The following HECW1 variants were observed in gnomAD, a reference collection of about 807,000 sequenced individuals.
HECW1 encodes the protein E3 ubiquitin-protein ligase HECW1.
Under a neutral mutation model 182.3 loss-of-function variants are expected in HECW1, and 61 were observed. The ratio of observed to expected loss-of-function variants is 0.33; its 90% CI spans 0.27 to 0.41. The LOEUF is 0.41. HECW1 is among the 10% of genes least tolerant of loss of function. The probability of loss-of-function intolerance (pLI) is 1.00; values close to 1 mark genes in which losing one functional copy is unlikely to be tolerated. For missense variants in HECW1, 1,739 were observed against 2,108.9 expected (o/e 0.82, Z 3.44); for synonymous variants, 859 against 832.6 (o/e 1.03, Z -0.55).
chr7:43,465,590 A>T (rs2077737485), intron 14 of HECW1, among the ~76,000 whole-genome samples: 1 of 152,234 alleles, frequency 6.6e-6, no homozygotes, highest in East Asian at 1.9e-4. Flanking sequence ...GGTTGAAACA[A>T]GGCACAAGGC....
chr7:43,406,046 A>T (rs1325730393), intron 7 of HECW1, among the ~76,000 whole-genome samples: 1 of 152,220 alleles, frequency 6.6e-6, no homozygotes, highest in African/African-American at 2.4e-5. Flanking sequence ...GTGTAAGAAC[A>T]TGTCAACCTT....
At chr7:43,446,879 A>G (rs2077075082) in intron 11 of HECW1, among the ~76,000 whole-genome samples, 1 of 152,246 alleles carries the variant, frequency 6.6e-6, no homozygotes, top group African/African-American at 2.4e-5. Context: ...TTCTTTCACA[A>G]GGATGTTTCG....
chr7:43,169,725 G>C (rs1471430930), intron 2 of HECW1, among the ~76,000 whole-genome samples: 1 of 122,188 alleles, frequency 8.2e-6, no homozygotes, highest in Non-Finnish European at 1.6e-5. Context: ...GAGTCTCGCT[G>C]TCGCCCAGGC....
intron 2 of HECW1, among the ~76,000 whole-genome samples, chr7:43,176,367 A>G (rs1284842605): frequency 6.6e-6 from 1 of 152,212 alleles, no homozygotes; most frequent in Non-Finnish European, 1.5e-5. Flanking sequence ...GACCATTTTC[A>G]TTATGAATCT....
At chr7:43,279,219 C>T (rs1204016925) in intron 3 of HECW1, among the ~76,000 whole-genome samples, 1 of 152,132 alleles carries the variant, frequency 6.6e-6, no homozygotes, top group Non-Finnish European at 1.5e-5. Flanking sequence ...AATGAACTGA[C>T]TGAATAAGTT....
At chr7:43,398,469 A>G (rs2075302823) in intron 7 of HECW1, among the ~76,000 whole-genome samples, 1 of 152,192 alleles carries the variant, frequency 6.6e-6, no homozygotes, top group South Asian at 2.1e-4. Flanking sequence ...GTTGCAGGCC[A>G]TGAATGCCAG....
chr7:43,209,585 T>G (rs2152694202), intron 2 of HECW1, among the ~76,000 whole-genome samples: 1 of 152,290 alleles, frequency 6.6e-6, no homozygotes, highest in Middle Eastern at 3.4e-3. Context: ...CTTGCCCATT[T>G]TTTTCCTCTG....
chr7:43,276,572 T>G (rs1803186648), intron 3 of HECW1, among the ~76,000 whole-genome samples: 1 of 152,360 alleles, frequency 6.6e-6, no homozygotes, highest in Admixed American at 6.5e-5. Flanking sequence ...TCCATCATCT[T>G]TATGTCATTA....
chr7:43,327,418 C>T (rs868359898), intron 5 of HECW1, among the ~76,000 whole-genome samples: 2 of 152,090 alleles, frequency 1.3e-5, no homozygotes, highest in Admixed American at 6.5e-5. Flanking sequence ...GTGTAACGGT[C>T]GTGAAGTAAT....
At chr7:43,309,308 T>G (rs79066439) in intron 3 of HECW1, among the ~76,000 whole-genome samples, 10,558 of 152,168 alleles carry the variant, frequency 0.069, 469 homozygotes, top group Middle Eastern at 0.13. Context: ...TGGGAGAGGG[T>G]GGGGTGCAAG....
chr7:43,488,434 GAGAAAGAA>G (rs796394625), intron 17 of HECW1, among the ~76,000 whole-genome samples: 1,824 of 93,114 alleles, frequency 0.02, 52 homozygotes, highest in African/African-American at 0.038. Flanking sequence ...AAGAAAGAAA[GAGAAAGAA>G]AGAAAGAAAG....
At chr7:43,531,137 G>T (rs535711685) in intron 24 of HECW1, among the ~76,000 whole-genome samples, 1 of 152,122 alleles carries the variant, frequency 6.6e-6, no homozygotes, top group Non-Finnish European at 1.5e-5. Context: ...ACTCTTTTCC[G>T]ATGTGATTTT....
rs781488068 is a variant in HECW1 at position 43,508,004 on chromosome 7, C to A, written c.3753-14C>A. The A allele has an allele frequency of 1.1e-5, 18 of 1,599,304 alleles. No homozygotes were observed. Among genetic ancestry groups the A allele is most frequent in the Admixed American group, 1.7e-5 (1 of 59,968 alleles). ...ACTTCAGGGCCACTGCTCACCACCC[C>A]TTCTCCTTCTCAGGCTCATTATTCG... On this transcript the variant is annotated splice_polypyrimidine_tract_variant and intron_variant, in intron 22 of 29. Transcript: ENST00000395891.
intron 3 of HECW1, among the ~76,000 whole-genome samples, chr7:43,256,326 T>A (rs113149364): frequency 1.1e-4 from 16 of 152,234 alleles, no homozygotes; most frequent in African/African-American, 3.6e-4. Context: ...AAGATGAACA[T>A]CGGCTGGGTA....
chr7:43,178,997 GA>G (rs1160616279), intron 2 of HECW1, among the ~76,000 whole-genome samples: 1 of 152,114 alleles, frequency 6.6e-6, no homozygotes, highest in East Asian at 1.9e-4. Flanking sequence ...ATTGTCTAGA[GA>G]AAAAAGCCTT....
intron 14 of HECW1, among the ~76,000 whole-genome samples, chr7:43,465,791 T>C (rs1168030055): frequency 6.6e-6 from 1 of 151,898 alleles, no homozygotes; most frequent in Non-Finnish European, 1.5e-5. Flanking sequence ...CTCAGCAGGC[T>C]GAGTATCTGG....
At chr7:43,224,456 C>T (rs1028992972) in intron 2 of HECW1, among the ~76,000 whole-genome samples, 1 of 152,198 alleles carries the variant, frequency 6.6e-6, no homozygotes, top group Non-Finnish European at 1.5e-5. Flanking sequence ...GGCATTTGTA[C>T]TTGTGCAGAA....
intron 1 of HECW1, among the ~76,000 whole-genome samples, chr7:43,113,205 A>G (rs1482738321): frequency 3.3e-5 from 5 of 151,798 alleles, no homozygotes; most frequent in Non-Finnish European, 7.4e-5. Context: ...TACGGAGAGA[A>G]ACAAAGAAGC....
At position 43,488,374 on chromosome 7, in the gene HECW1, GGAAGGAAGGAA is replaced by G. The variant is rs1563044937; in HGVS notation, c.3235-3699_3235-3689del. ...AGGAAGGAAGGAAGGAAGGAAGGAA[GGAAGGAAGGAA>G]GGAAGGAAGGAAGGAAATGAAAGAA... On this transcript the variant is annotated intron_variant, in intron 17 of 29. Transcript: ENST00000395891. Among the ~76,000 whole-genome samples, 355 of 100,130 alleles carry G rather than the reference GGAAGGAAGGAA, an allele frequency of 3.5e-3. 6 individuals carry two copies. Among genetic ancestry groups the G allele is most frequent in the Non-Finnish European group, 3.2e-3 (146 of 45,812 alleles). The allele number at this position is 100,130 out of a possible 152,430, so 65.7% of individuals were successfully genotyped here. A position where few individuals can be genotyped will look rare whatever the true frequency, so the allele number is the denominator to read the frequency against.
Sources: allele counts gnomAD v4.1 joint callset (sites outside exome capture counted in the v4.1 genomes callset), GRCh38; gene constraint gnomAD v4.1.1; transcripts MANE v1.5; gene names NCBI Gene and HGNC (gene_info 2026-07-23, HGNC 2026-07-21).